The following ATP8A1 variants were observed in gnomAD, a reference collection of about 807,000 sequenced individuals.
The protein encoded by ATP8A1 is ATPase phospholipid transporting 8A1.
Under a neutral mutation model 177.7 loss-of-function variants are expected in ATP8A1, and 90 were observed. That is an observed-to-expected ratio of 0.51 (90% confidence interval 0.43 to 0.60). ATP8A1 has a LOEUF of 0.60. ATP8A1 is among the 20% of genes least tolerant of loss of function. The pLI is 0.00. For synonymous variants in ATP8A1, 493 were observed against 485.9 expected (o/e 1.01, Z -0.19); for missense variants, 1,072 against 1,392.8 (o/e 0.77, Z 3.67).
intron 15 of ATP8A1, among the ~76,000 whole-genome samples, chr4:42,556,869 A>AG (rs1730292405): frequency 1.3e-5 from 2 of 152,190 alleles, no homozygotes; most frequent in African/African-American, 2.4e-5. Flanking sequence ...GATTTCACTG[A>AG]GGGAAAAAAA....
rs16854546 is a variant in ATP8A1 at position 42,583,836 on chromosome 4, T to G, written c.723-2104A>C. On this transcript the variant is annotated intron_variant, in intron 9 of 36. Coordinates refer to ENST00000381668, the MANE Select transcript of ATP8A1 (RefSeq NM_006095.2). ...GAATCTTGGCACCATCATACAAAGTTTCTCCTTCACAGCATAGATTTGCTC... is the reference window on the plus strand; with the variant it reads ...GAATCTTGGCACCATCATACAAAGTGTCTCCTTCACAGCATAGATTTGCTC... 9.8e-3 allele frequency among the ~76,000 whole-genome samples: 1,500 copies of G among 152,304 alleles called. 17 individuals are homozygous for G. The highest frequency in any genetic ancestry group is 0.033 in the African/African-American group (1,380 of 41,560).
Position 42,624,781 on chromosome 4 carries a change from G to A in ATP8A1, c.265-147C>T, listed in dbSNP as rs544341317. 9.7e-5 allele frequency: 43 copies of A among 442,966 alleles called. 1 individual carries two copies. In the South Asian group the frequency reaches 3.1e-3, roughly 32 times the overall value. The allele number at this position is 442,966 out of a possible 1,614,324, so 27.4% of individuals were successfully genotyped here. A position where few individuals can be genotyped will look rare whatever the true frequency, so the allele number is the denominator to read the frequency against. On this transcript the variant is annotated intron_variant, in intron 3 of 36. Transcript: ENST00000381668. ...TAATGCTGAGTGAGGTAATGTGTTCGTATCTAATAAGTACTGGAAAAGCAT... is the reference window on the plus strand; with the variant it reads ...TAATGCTGAGTGAGGTAATGTGTTCATATCTAATAAGTACTGGAAAAGCAT...
At chr4:42,640,759 G>A (rs537444532) in intron 1 of ATP8A1, among the ~76,000 whole-genome samples, 10 of 152,060 alleles carry the variant, frequency 6.6e-5, no homozygotes, top group East Asian at 1.9e-4. Context: ...CCTTGGACTC[G>A]GTCTCTCCTT....
chr4:42,512,445 A>C (rs1361734197), intron 22 of ATP8A1, among the ~76,000 whole-genome samples: 1 of 152,220 alleles, frequency 6.6e-6, no homozygotes, highest in African/African-American at 2.4e-5. Flanking sequence ...GCACACATGC[A>C]TGCCTGCATT....
chr4:42,507,189 T>C (rs375254453), intron 22 of ATP8A1, 35 bp from the exon 23 acceptor site: 1 of 1,607,766 alleles, frequency 6.2e-7, no homozygotes, highest in South Asian at 1.1e-5. Flanking sequence ...GTTTTAAAAA[T>C]CCGTTCATAT....
chr4:42,599,573 A>C (rs1205652304), intron 6 of ATP8A1, among the ~76,000 whole-genome samples: 3 of 152,170 alleles, frequency 2.0e-5, no homozygotes, highest in African/African-American at 2.4e-5. Flanking sequence ...AATTTAATTA[A>C]TTTTTAATTG....
Position 42,493,627 on chromosome 4 carries a change from C to T in ATP8A1, c.2152-7959G>A, listed in dbSNP as rs576046132. The stretch of plus-strand genomic sequence containing the variant: ...AATGTAATTTTTTTGGTTTGACTGA[C>T]TCTAGAAGGCCAACTGTGTGGTATT... On this transcript the variant is annotated intron_variant, in intron 24 of 36. Coordinates refer to ENST00000381668, the MANE Select transcript of ATP8A1 (RefSeq NM_006095.2). 4.1e-4 allele frequency among the ~76,000 whole-genome samples: 62 copies of T among 152,250 alleles called. No homozygotes were observed. In the South Asian group the frequency reaches 5.4e-3, roughly 13 times the overall value.
intron 5 of ATP8A1, among the ~76,000 whole-genome samples, chr4:42,612,635 C>A (rs929351366): frequency 6.6e-6 from 1 of 151,706 alleles, no homozygotes; most frequent in African/African-American, 2.4e-5. Flanking sequence ...ACCAAACCAG[C>A]TTATATATCT....
Position 42,579,907 on chromosome 4 carries a change from A to C in ATP8A1, c.906T>G (p.Phe302Leu). The change falls in exon 11 of 37, where the codon TTT becomes TTG. Residue 302 changes from phenylalanine to leucine, a missense_variant. Phe to Leu is a conservative substitution (Grantham distance 22). Transcript: ENST00000381668. The part of the protein sequence containing the change: ...RITNVQILIL[F>L]CILIAMSLVC... Reference sequence around the variant, plus strand: ...CAAGAGACATGGCAATTAAGATACAAAATAAAATCAAAATTTGTACATTTG... The same window carrying C: ...CAAGAGACATGGCAATTAAGATACACAATAAAATCAAAATTTGTACATTTG... 1 of 1,613,720 alleles carries C rather than the reference A, an allele frequency of 6.2e-7. No homozygotes were observed.
intron 23 of ATP8A1, among the ~76,000 whole-genome samples, chr4:42,505,474 T>C (rs750741600): frequency 2.0e-5 from 3 of 152,228 alleles, no homozygotes; most frequent in Non-Finnish European, 2.9e-5. Flanking sequence ...TTTTTAGGTC[T>C]CCCAATTTCA....
intron 21 of ATP8A1, among the ~76,000 whole-genome samples, chr4:42,523,453 C>T (rs933683826): frequency 7.9e-5 from 12 of 152,244 alleles, no homozygotes; most frequent in Non-Finnish European, 1.8e-4. Flanking sequence ...ACAAAGTTCC[C>T]AGAGAACTCT....
chr4:42,410,878 T>C lies in ATP8A1; in HGVS notation c.*2038A>G, dbSNP rs1366229360. 2 of 152,210 alleles carry C rather than the reference T, an allele frequency of 1.3e-5. No homozygotes were observed. The highest frequency in any genetic ancestry group is 2.9e-5 in the Non-Finnish European group (2 of 68,030). The allele number at this position is 152,210 out of a possible 1,614,324, so 9.4% of individuals were successfully genotyped here. A position where few individuals can be genotyped will look rare whatever the true frequency, so the allele number is the denominator to read the frequency against. ...TGAAGTGAGCGCAAACAGAAGCAGCTCTTCTCTATTAACAGAATTAAACAC... is the reference window on the plus strand; with the variant it reads ...TGAAGTGAGCGCAAACAGAAGCAGCCCTTCTCTATTAACAGAATTAAACAC... On this transcript the variant is annotated 3_prime_UTR_variant, in exon 37 of 37. Transcript: ENST00000381668.
At chr4:42,425,227 G>A (rs920393267) in intron 33 of ATP8A1, among the ~76,000 whole-genome samples, 2 of 152,072 alleles carry the variant, frequency 1.3e-5, no homozygotes, top group Admixed American at 6.6e-5. Context: ...TTTGGTTGGG[G>A]GGGGGCAAGA....
chr4:42,641,711 A>G (rs528343483), intron 1 of ATP8A1, among the ~76,000 whole-genome samples: 2 of 152,304 alleles, frequency 1.3e-5, no homozygotes, highest in Admixed American at 1.3e-4. Flanking sequence ...CTAGGCCTTA[A>G]AAAGTACTGG....
intron 22 of ATP8A1, among the ~76,000 whole-genome samples, chr4:42,507,802 A>ACAAAAC (rs1281742802): frequency 3.4e-5 from 5 of 147,484 alleles, no homozygotes; most frequent in African/African-American, 1.2e-4. Flanking sequence ...AAAAAAAAAA[A>ACAAAAC]AAAAAAACAT....
chr4:42,643,141 G>A (rs186197592), intron 1 of ATP8A1, among the ~76,000 whole-genome samples: 2 of 152,076 alleles, frequency 1.3e-5, no homozygotes, highest in Non-Finnish European at 2.9e-5. Flanking sequence ...TGTAATTATC[G>A]ATCCCAAACA....
chr4:42,414,777 G>T, intron 35 of ATP8A1, 59 bp from the exon 36 acceptor site: 2 of 1,263,874 alleles, frequency 1.6e-6, no homozygotes, highest in Non-Finnish European at 1.2e-6. Context: ...ACCCCAGTGT[G>T]CCCACAGGAC....
rs539642132 is a variant in ATP8A1, at chr4:42,553,696, G to C, written c.1414-1086C>G. ...ATTTGAAAAAACTGTGTTCAAGCTA[G>C]AACAGTGGACTAAACAGACATGGTC... On this transcript the variant is annotated intron_variant, in intron 16 of 36. Transcript: ENST00000381668. 1.9e-4 allele frequency among the ~76,000 whole-genome samples: 29 copies of C among 152,244 alleles called. No individual in the cohort carries two copies. The South Asian group carries it at 4.4e-3, about 23-fold the overall frequency.
intron 33 of ATP8A1, among the ~76,000 whole-genome samples, chr4:42,438,922 A>G (rs979460269): frequency 6.6e-6 from 1 of 152,226 alleles, no homozygotes; most frequent in Non-Finnish European, 1.5e-5. Context: ...TGGAGAACTC[A>G]GTAGGTACAC....
Sources: allele counts gnomAD v4.1 joint callset (sites outside exome capture counted in the v4.1 genomes callset), GRCh38; gene constraint gnomAD v4.1.1; transcripts MANE v1.5; gene names NCBI Gene and HGNC (gene_info 2026-07-23, HGNC 2026-07-21).